The following RSRC1 variants were observed in gnomAD, a reference collection of about 807,000 sequenced individuals.
The protein encoded by RSRC1 is arginine and serine rich coiled-coil 1.
Under a neutral mutation model 49.1 loss-of-function variants are expected in RSRC1, and 39 were observed. The observed-to-expected ratio is 0.79, with a 90% CI of 0.61 to 1.04. The LOEUF (loss-of-function observed/expected upper bound fraction) is 1.04, where lower values mean the gene tolerates loss of function less well. Ranked by LOEUF, RSRC1 falls within the 50% of genes least tolerant of loss-of-function variation. The pLI, the probability that RSRC1 is intolerant of heterozygous loss-of-function variation, is 0.00. For missense variants in RSRC1, 388 were observed against 402.4 expected (o/e 0.96, Z 0.31); for synonymous variants, 143 against 130.8 (o/e 1.09, Z -0.63).
At chr3:158,159,041 C>T (rs1386956080) in intron 3 of RSRC1, among the ~76,000 whole-genome samples, 2 of 152,042 alleles carry the variant, frequency 1.3e-5, no homozygotes, top group African/African-American at 4.8e-5. Context: ...TATTTCCCAA[C>T]CAAGAATGTT....
At chr3:158,338,241 T>C (rs1268173380) in intron 5 of RSRC1, among the ~76,000 whole-genome samples, 2 of 152,194 alleles carry the variant, frequency 1.3e-5, no homozygotes, top group Admixed American at 1.3e-4. Flanking sequence ...TTAAACTGTT[T>C]AGAGAAAATG....
intron 6 of RSRC1, among the ~76,000 whole-genome samples, chr3:158,444,726 G>A (rs1218421454): frequency 1.3e-5 from 2 of 152,016 alleles, no homozygotes; most frequent in African/African-American, 4.8e-5. Flanking sequence ...CAGGCAACCT[G>A]CAGAGTAGGA....
chr3:158,476,306 G>A (rs997962992), intron 7 of RSRC1, among the ~76,000 whole-genome samples: 1 of 152,184 alleles, frequency 6.6e-6, no homozygotes, highest in African/African-American at 2.4e-5. Flanking sequence ...ATCTAGCTAA[G>A]ATCACTGATG....
chr3:158,307,886 A>G (rs1727923159), intron 5 of RSRC1, among the ~76,000 whole-genome samples: 1 of 151,932 alleles, frequency 6.6e-6, no homozygotes. Context: ...GTTTTAGTAG[A>G]ATCTTTTAAT....
intron 4 of RSRC1, chr3:158,225,736 G>A: frequency 2.2e-6 from 1 of 449,046 alleles, no homozygotes; most frequent in Admixed American, 2.4e-5. Context: ...ACCAAATTGT[G>A]AGTAAACCTA....
intron 3 of RSRC1, among the ~76,000 whole-genome samples, chr3:158,165,566 A>G (rs953092208): frequency 3.9e-5 from 6 of 152,230 alleles, no homozygotes; most frequent in Non-Finnish European, 8.8e-5. Flanking sequence ...CCGTTAATCA[A>G]TTTTGGTGGG....
chr3:158,206,191 T>G (rs958448139), intron 4 of RSRC1, among the ~76,000 whole-genome samples: 6 of 152,224 alleles, frequency 3.9e-5, no homozygotes, highest in Admixed American at 3.9e-4. Context: ...TTTATACTTC[T>G]CACAGGCTAG....
chr3:158,269,680 T>A (rs1165993349), intron 4 of RSRC1, among the ~76,000 whole-genome samples: 2 of 152,012 alleles, frequency 1.3e-5, no homozygotes, highest in Non-Finnish European at 2.9e-5. Context: ...GCCCAGCTAA[T>A]TTTTGTATTT....
intron 6 of RSRC1, among the ~76,000 whole-genome samples, chr3:158,376,158 T>G: frequency 2.9e-5 from 1 of 34,746 alleles, no homozygotes; most frequent in East Asian, 7.0e-4. Context: ...CCTCCCTCCC[T>G]CCCTCCCTCC....
intron 7 of RSRC1, among the ~76,000 whole-genome samples, chr3:158,495,147 A>G (rs1164282484): frequency 6.6e-6 from 1 of 152,120 alleles, no homozygotes; most frequent in Non-Finnish European, 1.5e-5. Context: ...CAGTATTATA[A>G]TCTTGTGGAA....
intron 3 of RSRC1, among the ~76,000 whole-genome samples, chr3:158,156,163 G>A (rs904371223): frequency 2.0e-5 from 3 of 151,858 alleles, no homozygotes. Context: ...TCCTCTATCA[G>A]CACGTACTGC....
chr3:158,521,255 C>T (rs1461592030), intron 7 of RSRC1, among the ~76,000 whole-genome samples: 1 of 152,078 alleles, frequency 6.6e-6, no homozygotes, highest in East Asian at 1.9e-4. Flanking sequence ...TGTCATCCCA[C>T]GCTAGTCACC....
At chr3:158,273,844 C>A (rs1334638937) in intron 4 of RSRC1, among the ~76,000 whole-genome samples, 2 of 152,134 alleles carry the variant, frequency 1.3e-5, no homozygotes, top group Non-Finnish European at 2.9e-5. Flanking sequence ...CTCTCTCCCT[C>A]TGTCTTTCTC....
intron 6 of RSRC1, among the ~76,000 whole-genome samples, chr3:158,365,343 C>T (rs1197311778): frequency 1.3e-5 from 2 of 152,044 alleles, no homozygotes; most frequent in African/African-American, 4.8e-5. Context: ...GTTCCCCTCC[C>T]TGTGTCCATG....
intron 3 of RSRC1, among the ~76,000 whole-genome samples, chr3:158,156,893 C>A (rs996719651): frequency 6.6e-6 from 1 of 152,076 alleles, no homozygotes; most frequent in African/African-American, 2.4e-5. Flanking sequence ...TGAGACTAAC[C>A]AAAATGTAAC....
At chr3:158,188,093 A>AT (rs1018091082) in intron 3 of RSRC1, among the ~76,000 whole-genome samples, 64 of 151,712 alleles carry the variant, frequency 4.2e-4, no homozygotes, top group African/African-American at 6.3e-4. Context: ...TCTAGGATAC[A>AT]TTTTTTCTGG....
chr3:158,242,717 G>GC (rs1723663539), intron 4 of RSRC1, among the ~76,000 whole-genome samples: 2 of 149,626 alleles, frequency 1.3e-5, no homozygotes, highest in African/African-American at 4.9e-5. Flanking sequence ...TTCTGTTTTT[G>GC]TTTTTTTTTC....
At chr3:158,370,694 G>C (rs73017444) in intron 6 of RSRC1, among the ~76,000 whole-genome samples, 8,432 of 151,778 alleles carry the variant, frequency 0.056, 791 homozygotes, top group African/African-American at 0.19. Flanking sequence ...TGGTTTTTAT[G>C]AGTAAAGCTT....
At position 158,514,663 on chromosome 3, in the gene RSRC1, C is replaced by G. The variant is rs13095005; in HGVS notation, c.653-22429C>G. Reference sequence around the variant, plus strand: ...TGGTGCAGAGCTGAGTTCAATTCCTCGGTATCCTTGTTGACTCTCTGTCTC... The same window carrying G: ...TGGTGCAGAGCTGAGTTCAATTCCTGGGTATCCTTGTTGACTCTCTGTCTC... On this transcript the variant is annotated intron_variant, in intron 7 of 9. Transcript: ENST00000611884. Among the ~76,000 whole-genome samples, 330 of 151,900 alleles carry G rather than the reference C, an allele frequency of 2.2e-3. 2 individuals are homozygous for G. Among genetic ancestry groups the G allele is most frequent in the South Asian group, 0.02 (96 of 4,756 alleles).
Sources: gnomAD v4.1 joint callset for allele counts (sites outside exome capture counted in the v4.1 genomes callset) on GRCh38, gnomAD v4.1.1 for gene constraint, MANE v1.5 for transcripts, NCBI Gene and HGNC (gene_info 2026-07-23, HGNC 2026-07-21) for gene names.